TMEM53: variants seen among roughly 807,000 people sequenced by gnomAD.
TMEM53 encodes novel DUF829 domain-containing protein.
Under a neutral mutation model 21.4 loss-of-function variants are expected in TMEM53, and 14 were observed. The ratio of observed to expected loss-of-function variants is 0.65; its 90% confidence interval spans 0.43 to 1.02. The LOEUF is 1.02. Ranked by LOEUF, TMEM53 falls within the 50% of genes least tolerant of loss-of-function variation. The pLI is 0.00. For missense variants in TMEM53, 323 were observed against 383.6 expected, an observed-to-expected ratio of 0.84 and a Z score of 1.32; for synonymous variants, 148 against 157.4, an observed-to-expected ratio of 0.94 and a Z score of 0.45.
intron 1 of TMEM53, among the ~76,000 whole-genome samples, chr1:44,668,790 C>A (rs901360551): frequency 3.3e-5 from 5 of 152,184 alleles, no homozygotes; most frequent in South Asian, 2.1e-4. Context: ...CAATCCACCC[C>A]CCTCGGCCTC....
intron 1 of TMEM53, among the ~76,000 whole-genome samples, chr1:44,670,169 TAAAA>T (rs780360806): frequency 1.9e-5 from 2 of 103,814 alleles, no homozygotes; most frequent in Non-Finnish European, 3.6e-5. Context: ...TCCTCTGTAT[TAAAA>T]AAAAAAAAAA....
chr1:44,656,427 G>A (rs1167375244), intron 2 of TMEM53, among the ~76,000 whole-genome samples: 1 of 152,172 alleles, frequency 6.6e-6, no homozygotes, highest in Non-Finnish European at 1.5e-5. Context: ...AAACAGGGAT[G>A]GTCAGCAGAG....
chr1:44,661,500 C>T (rs768030503), intron 1 of TMEM53, among the ~76,000 whole-genome samples: 7 of 151,906 alleles, frequency 4.6e-5, no homozygotes, highest in East Asian at 3.9e-4. Flanking sequence ...CTCAGCCTCC[C>T]GGGAACAAGA....
rs1250004964 is a variant in TMEM53, at chr1:44,653,893, A to C, written c.*666T>G. 6.6e-6 allele frequency: 1 copy of C among 152,258 alleles called. No homozygotes were observed. Among genetic ancestry groups the C allele is most frequent in the East Asian group, 1.9e-4 (1 of 5,198 alleles). 9.4% of individuals were successfully genotyped at this position (152,258 alleles called of 1,614,324 possible). On this transcript the variant is annotated 3_prime_UTR_variant, in exon 3 of 3. Transcript: ENST00000372237. Reference sequence around the variant, plus strand: ...GAAGTTCTGAATTATGCAAGATGCAAGACTATTCAGTTCTAGAGGTCTGCC... The same window carrying C: ...GAAGTTCTGAATTATGCAAGATGCACGACTATTCAGTTCTAGAGGTCTGCC...
At chr1:44,671,573 G>A (rs954559435) in intron 1 of TMEM53, among the ~76,000 whole-genome samples, 2 of 152,124 alleles carry the variant, frequency 1.3e-5, no homozygotes, top group Admixed American at 6.5e-5. Flanking sequence ...ACCAGTCTGG[G>A]CAATACAGTA....
intron 1 of TMEM53, chr1:44,674,072 A>C: frequency 1.0e-6 from 1 of 985,466 alleles, no homozygotes; most frequent in Non-Finnish European, 1.2e-6. Flanking sequence ...CACCCCGGAC[A>C]GGAAAGACAG....
intron 2 of TMEM53, among the ~76,000 whole-genome samples, chr1:44,659,097 C>A (rs1269586144): frequency 6.6e-6 from 1 of 152,200 alleles, no homozygotes; most frequent in Non-Finnish European, 1.5e-5. Context: ...CTGTAAAAAG[C>A]AACACCAGAG....
Position 44,653,906 on chromosome 1 carries a change from C to G in TMEM53, c.*653G>C, listed in dbSNP as rs146350636. 2 of 152,380 alleles carry G rather than the reference C, an allele frequency of 1.3e-5. No individual in the cohort carries two copies. The highest frequency in any genetic ancestry group is 2.4e-5 in the African/African-American group (1 of 41,590). The allele number at this position is 152,380 out of a possible 1,614,324, so 9.4% of individuals were successfully genotyped here. A position where few individuals can be genotyped will look rare whatever the true frequency, so the allele number is the denominator to read the frequency against. ...ATGCAAGATGCAAGACTATTCAGTT[C>G]TAGAGGTCTGCCGTGCACATAATCT... On this transcript the variant is annotated 3_prime_UTR_variant, in exon 3 of 3. Transcript: ENST00000372237.
At chr1:44,661,826 G>A (rs1401951518) in intron 1 of TMEM53, among the ~76,000 whole-genome samples, 1 of 152,126 alleles carries the variant, frequency 6.6e-6, no homozygotes, top group Admixed American at 6.5e-5. Context: ...CAAACCAGCC[G>A]CCACCACCAC....
chr1:44,662,471 G>A (rs1644910710), intron 1 of TMEM53, among the ~76,000 whole-genome samples: 2 of 152,168 alleles, frequency 1.3e-5, no homozygotes, highest in Non-Finnish European at 1.5e-5. Context: ...CTGGTGGAGA[G>A]GCCCTGGGCC....
chr1:44,663,146 T>C (rs1557494473), intron 1 of TMEM53, among the ~76,000 whole-genome samples: 1 of 152,210 alleles, frequency 6.6e-6, no homozygotes, highest in East Asian at 1.9e-4. Context: ...TCAACCTCCT[T>C]GGGCTCAAGC....
At chr1:44,668,942 T>C (rs1644975537) in intron 1 of TMEM53, among the ~76,000 whole-genome samples, 1 of 152,214 alleles carries the variant, frequency 6.6e-6, no homozygotes, top group Non-Finnish European at 1.5e-5. Flanking sequence ...TCGGTTCAAA[T>C]CTCTGCCTCT....
At chr1:44,666,925 G>A (rs1230874679) in intron 1 of TMEM53, among the ~76,000 whole-genome samples, 3 of 151,722 alleles carry the variant, frequency 2.0e-5, no homozygotes, top group Non-Finnish European at 4.4e-5. Flanking sequence ...GCTTACTACA[G>A]TCTCAACCTC....
At chr1:44,673,809 T>G in intron 1 of TMEM53, 1 of 978,050 alleles carries the variant, frequency 1.0e-6, no homozygotes, top group African/African-American at 1.8e-5. Context: ...AGGATTTCAG[T>G]CGAGTTCTAC....
intron 1 of TMEM53, among the ~76,000 whole-genome samples, chr1:44,666,740 C>G (rs1305608569): frequency 1.3e-5 from 2 of 151,974 alleles, no homozygotes; most frequent in Non-Finnish European, 2.9e-5. Flanking sequence ...TGACTACTAA[C>G]AGGAATGGGG....
chr1:44,660,607 C>G (rs1644892388), intron 1 of TMEM53, among the ~76,000 whole-genome samples: 3 of 152,142 alleles, frequency 2.0e-5, no homozygotes, highest in African/African-American at 7.2e-5. Context: ...GCTCAGCGAA[C>G]TACAACCCCG....
chr1:44,670,609 C>T (rs1309965251), intron 1 of TMEM53, among the ~76,000 whole-genome samples: 1 of 152,194 alleles, frequency 6.6e-6, no homozygotes, highest in Non-Finnish European at 1.5e-5. Flanking sequence ...GCACTGTCTC[C>T]TGGGTGTCCG....
intron 1 of TMEM53, among the ~76,000 whole-genome samples, chr1:44,669,854 A>G (rs1427954166): frequency 2.0e-5 from 3 of 150,694 alleles, no homozygotes; most frequent in Non-Finnish European, 4.4e-5. Context: ...GCTGGAGTGC[A>G]ATGGCACAAT....
At chr1:44,674,201 T>C (rs1344407370) in intron 1 of TMEM53, 130 bp downstream of exon 1, 5 of 1,411,818 alleles carry the variant, frequency 3.5e-6, no homozygotes, top group East Asian at 2.8e-5. Context: ...GTCTAGGACC[T>C]GCCAGACCCT....
Sources: allele counts gnomAD v4.1 joint callset (sites outside exome capture counted in the v4.1 genomes callset), GRCh38; gene constraint gnomAD v4.1.1; transcripts MANE v1.5; gene names NCBI Gene and HGNC (gene_info 2026-07-23, HGNC 2026-07-21).